Variants in DYNC1I1 observed in about 807,000 individuals in gnomAD.
DYNC1I1 encodes dynein cytoplasmic 1 intermediate chain 1, also known as cytoplasmic dynein 1 intermediate chain 1.
Under a neutral mutation model 86.6 loss-of-function variants are expected in DYNC1I1, and 43 were observed. The ratio of observed to expected loss-of-function variants is 0.50; its 90% confidence interval spans 0.39 to 0.64. The LOEUF is 0.64. Ranked by LOEUF, DYNC1I1 falls within the 30% of genes least tolerant of loss-of-function variation. The pLI is 0.00. For missense variants in DYNC1I1, 604 were observed against 788.8 expected (o/e 0.77, Z 2.81); for synonymous variants, 262 against 283.7 (o/e 0.92, Z 0.77).
intron 6 of DYNC1I1, among the ~76,000 whole-genome samples, chr7:95,887,326 A>G (rs1584128584): frequency 6.6e-6 from 1 of 152,256 alleles, no homozygotes. Context: ...AAACTACTTC[A>G]TTCTCCTGAC....
rs559324526 is a variant in DYNC1I1 at position 95,939,041 on chromosome 7, C to T, written c.491-38471C>T. Among the ~76,000 whole-genome samples the T allele has an allele frequency of 9.4e-3, 1,423 of 152,152 alleles. 17 individuals carry two copies. Among genetic ancestry groups the T allele is most frequent in the African/African-American group, 0.033 (1,359 of 41,506 alleles). ...CAAAGAACATCTTTATTTCTGCCTT[C>T]CTTTCATTATGCACCCAGTAGTCAT... On this transcript the variant is annotated intron_variant, in intron 6 of 16. Coordinates refer to ENST00000447467, the MANE Select transcript of DYNC1I1 (RefSeq NM_001135556.2).
At chr7:95,961,723 C>A (rs149198506) in intron 6 of DYNC1I1, among the ~76,000 whole-genome samples, 1 of 152,334 alleles carries the variant, frequency 6.6e-6, no homozygotes, top group African/African-American at 2.4e-5. Context: ...TCTCCTCTGT[C>A]CATCCACCTG....
chr7:95,852,710 T>C (rs905502252), intron 5 of DYNC1I1, among the ~76,000 whole-genome samples: 2 of 152,158 alleles, frequency 1.3e-5, no homozygotes, highest in Non-Finnish European at 2.9e-5. Flanking sequence ...TTTCACCATT[T>C]TGGCCAGGTG....
chr7:95,919,347 A>G (rs1405902354), intron 6 of DYNC1I1, among the ~76,000 whole-genome samples: 1 of 152,214 alleles, frequency 6.6e-6, no homozygotes, highest in Non-Finnish European at 1.5e-5. Context: ...GAAATATGCT[A>G]TGCTAATTTT....
intron 10 of DYNC1I1, among the ~76,000 whole-genome samples, chr7:96,004,205 G>A (rs920567703): frequency 4.6e-5 from 7 of 151,960 alleles, no homozygotes; most frequent in Admixed American, 2.0e-4. Flanking sequence ...TTTTATATCC[G>A]ATTGTTTACT....
intron 1 of DYNC1I1, 109 bp from the exon 2 acceptor site, chr7:95,804,612 C>A: frequency 8.3e-7 from 1 of 1,207,640 alleles, no homozygotes; most frequent in Non-Finnish European, 1.1e-6. Flanking sequence ...TCTTGTTGAT[C>A]ATCCAAAAGT....
At chr7:95,884,653 G>A (rs1790543239) in intron 6 of DYNC1I1, among the ~76,000 whole-genome samples, 1 of 152,058 alleles carries the variant, frequency 6.6e-6, no homozygotes, top group Non-Finnish European at 1.5e-5. Flanking sequence ...CAACAGCTTG[G>A]CCGGGCATGG....
rs1791072709 is a variant in DYNC1I1, at chr7:96,098,210, C to T, written c.*617C>T. ...TGAGGTTATATTAAGTTCCACATAGCAATTACAGTATGCCAGTTCCACTGA... is the reference window on the plus strand; with the variant it reads ...TGAGGTTATATTAAGTTCCACATAGTAATTACAGTATGCCAGTTCCACTGA... On this transcript the variant is annotated 3_prime_UTR_variant, in exon 17 of 17. Transcript: ENST00000447467. 3 of 985,744 alleles carry T rather than the reference C, an allele frequency of 3.0e-6. No homozygotes were observed. The highest frequency in any genetic ancestry group is 1.7e-5 in the African/African-American group (1 of 57,232). The allele number at this position is 985,744 out of a possible 1,614,324, so 61.1% of individuals were successfully genotyped here.
At chr7:95,871,566 A>G (rs893351779) in intron 6 of DYNC1I1, among the ~76,000 whole-genome samples, 9 of 152,214 alleles carry the variant, frequency 5.9e-5, no homozygotes, top group African/African-American at 1.4e-4. Context: ...AACTTGACCC[A>G]TAGCATAAAG....
intron 15 of DYNC1I1, among the ~76,000 whole-genome samples, chr7:96,079,052 A>G (rs959072734): frequency 1.3e-5 from 2 of 151,972 alleles, no homozygotes; most frequent in Non-Finnish European, 2.9e-5. Flanking sequence ...TTTGCTCACA[A>G]TTGACATACA....
At chr7:96,100,191 G>A (rs1410647070), downstream of DYNC1I1, among the ~76,000 whole-genome samples, 1 of 152,160 alleles carries the variant, frequency 6.6e-6, no homozygotes, top group Non-Finnish European at 1.5e-5. Context: ...TCCTAAGGCT[G>A]GCCTGTATCT....
chr7:95,839,648 C>T lies in DYNC1I1; in HGVS notation c.374+11532C>T, dbSNP rs528680283. 5.9e-5 allele frequency among the ~76,000 whole-genome samples: 9 copies of T among 152,220 alleles called. No individual in the cohort carries two copies. The East Asian group carries it at 1.7e-3, about 29-fold the overall frequency. The stretch of plus-strand genomic sequence containing the variant: ...CTTCTGTTTTTGTCTATATATTTAC[C>T]TTTAACAACAGATTTTATACTTTCT... On this transcript the variant is annotated intron_variant, in intron 5 of 16. Transcript: ENST00000447467.
intron 10 of DYNC1I1, among the ~76,000 whole-genome samples, chr7:96,027,342 C>A (rs950632916): frequency 5.3e-5 from 8 of 152,264 alleles, no homozygotes; most frequent in African/African-American, 1.9e-4. Context: ...CCGTAGGAAT[C>A]AAAATGGTCT....
At chr7:96,041,961 A>C (rs1789064950) in intron 14 of DYNC1I1, among the ~76,000 whole-genome samples, 1 of 152,190 alleles carries the variant, frequency 6.6e-6, no homozygotes, top group Non-Finnish European at 1.5e-5. Context: ...AAGTAACATG[A>C]ATCAACTTTA....
intron 6 of DYNC1I1, among the ~76,000 whole-genome samples, chr7:95,923,558 A>T (rs966545554): frequency 6.6e-6 from 1 of 152,142 alleles, no homozygotes; most frequent in African/African-American, 2.4e-5. Flanking sequence ...TACTATCCAC[A>T]CGCAAAATAT....
At chr7:95,948,893 C>G (rs961787695) in intron 6 of DYNC1I1, among the ~76,000 whole-genome samples, 5 of 152,168 alleles carry the variant, frequency 3.3e-5, no homozygotes, top group African/African-American at 1.2e-4. Context: ...AGCAGATAGG[C>G]AGTTAGCTTT....
chr7:96,070,552 T>G (rs754871012), intron 14 of DYNC1I1, among the ~76,000 whole-genome samples: 17 of 152,160 alleles, frequency 1.1e-4, no homozygotes, highest in Non-Finnish European at 1.8e-4. Flanking sequence ...TTCCATGAGT[T>G]TTCCTTTTAT....
At chr7:96,106,841 C>T (rs925329376) in intron 16 of DYNC1I1, among the ~76,000 whole-genome samples, 10 of 152,136 alleles carry the variant, frequency 6.6e-5, no homozygotes, top group African/African-American at 2.4e-4. Context: ...TATGACTTAG[C>T]ATATGGTCAA....
chr7:95,836,073 G>A (rs181334515), intron 5 of DYNC1I1, among the ~76,000 whole-genome samples: 68 of 152,244 alleles, frequency 4.5e-4, no homozygotes, highest in Non-Finnish European at 6.9e-4. Context: ...AGTCTTGATG[G>A]TCTTTACATT....
Sources: gnomAD v4.1 joint callset for allele counts (sites outside exome capture counted in the v4.1 genomes callset) on GRCh38, gnomAD v4.1.1 for gene constraint, MANE v1.5 for transcripts, NCBI Gene and HGNC (gene_info 2026-07-23, HGNC 2026-07-21) for gene names.